Variants in HGF observed in about 807,000 individuals in gnomAD.
The protein encoded by HGF is hepatocyte growth factor, also known as fibroblast-derived tumor cytotoxic factor.
A neutral mutation model predicts 111.6 loss-of-function variants in HGF; 39 were observed. The observed-to-expected ratio is 0.35, with a 90% confidence interval of 0.27 to 0.46. The LOEUF (loss-of-function observed/expected upper bound fraction) is 0.46. HGF is among the 20% of genes least tolerant of loss of function. The pLI is 1.00. For missense variants in HGF, 735 were observed against 910.5 expected, an observed-to-expected ratio of 0.81 and a Z score of 2.48; for synonymous variants, 285 against 294.8, an observed-to-expected ratio of 0.97 and a Z score of 0.34.
chr7:81,749,878 T>C (rs1788420942), intron 5 of HGF, among the ~76,000 whole-genome samples: 1 of 152,070 alleles, frequency 6.6e-6, no homozygotes, highest in Non-Finnish European at 1.5e-5. Flanking sequence ...TCAAAAAATA[T>C]ATACTGTTCT....
chr7:81,762,826 T>C lies in HGF; in HGVS notation c.135A>G (p.Ser45=). Residue 45 remains serine (S), a synonymous_variant, in exon 2 of 18, where the codon TCA becomes TCG. Coordinates refer to ENST00000222390, the MANE Select transcript of HGF (RefSeq NM_000601.6). ...CTATTTTGATTAGGGTAGTCTTTGC[T>C]GATTTTTTGAATTCATGAATTGTAT... is the stretch of plus-strand genomic sequence containing the variant. ...RRNTIHEFKK[S]AKTTLIKIDP... 1 of 1,595,856 alleles carries C rather than the reference T, an allele frequency of 6.3e-7. No homozygotes were observed. The highest frequency in any genetic ancestry group is 8.6e-7 in the Non-Finnish European group (1 of 1,163,576).
chr7:81,751,004 A>G (rs1185568123), intron 5 of HGF: 1 of 979,738 alleles, frequency 1.0e-6, no homozygotes, highest in African/African-American at 1.8e-5. Flanking sequence ...ACAAACAGAG[A>G]TGGAACTGGC....
At chr7:81,742,972 G>T (rs758737619) in intron 7 of HGF, 1 of 1,610,122 alleles carries the variant, frequency 6.2e-7, no homozygotes, top group Non-Finnish European at 8.5e-7. Context: ...GGTAGGTAAA[G>T]GATACAGGAT....
Position 81,756,927 on chromosome 7 carries a change from G to T in HGF, c.482+262C>A, listed in dbSNP as rs1284719243. ...AGGAAGAAGAATCCTTTTAAACGAAGTTTACGTTATTATTTCACAAATACC... is the reference window on the plus strand; with the variant it reads ...AGGAAGAAGAATCCTTTTAAACGAATTTTACGTTATTATTTCACAAATACC... On this transcript the variant is annotated intron_variant, in intron 4 of 17. Transcript: ENST00000222390. 5.6e-6 allele frequency: 3 copies of T among 536,726 alleles called. No homozygotes were observed. The African/African-American group carries it at 5.7e-5, about 10-fold the overall frequency. 33.2% of individuals were successfully genotyped at this position (536,726 alleles called of 1,614,324 possible).
At chr7:81,768,143 C>G (rs1013921503) in intron 1 of HGF, among the ~76,000 whole-genome samples, 19 of 152,156 alleles carry the variant, frequency 1.2e-4, no homozygotes, top group Non-Finnish European at 7.3e-5. Flanking sequence ...AAATGTATGT[C>G]TCCTGCCAAA....
At chr7:81,703,082 C>T (rs567141500) in intron 17 of HGF, among the ~76,000 whole-genome samples, 140 of 151,518 alleles carry the variant, frequency 9.2e-4, no homozygotes, top group Non-Finnish European at 1.7e-3. Flanking sequence ...ACCATCGGTG[C>T]CTATTTAATA....
chr7:81,763,957 C>T (rs1789227467), intron 1 of HGF, among the ~76,000 whole-genome samples: 1 of 152,132 alleles, frequency 6.6e-6, no homozygotes, highest in Admixed American at 6.5e-5. Context: ...AACCACTGAC[C>T]ATGCCATCTG....
chr7:81,726,644 A>C (rs1040623122), intron 8 of HGF, among the ~76,000 whole-genome samples: 10 of 152,120 alleles, frequency 6.6e-5, no homozygotes, highest in African/African-American at 2.2e-4. Flanking sequence ...CTGTAAAATT[A>C]AGGCCCAGTT....
intron 7 of HGF, among the ~76,000 whole-genome samples, chr7:81,730,538 A>T (rs563225079): frequency 6.6e-6 from 1 of 152,298 alleles, no homozygotes; most frequent in South Asian, 2.1e-4. Context: ...ATAAAGAAAA[A>T]ATCAGTTATT....
chr7:81,738,365 T>C (rs1238273547), intron 7 of HGF, among the ~76,000 whole-genome samples: 2 of 152,162 alleles, frequency 1.3e-5, no homozygotes, highest in Non-Finnish European at 2.9e-5. Context: ...AGTACTTCAT[T>C]CAAGCACTAT....
At position 81,725,950 on chromosome 7, in the gene HGF, G is replaced by C; in HGVS notation, c.1108C>G (p.Pro370Ala). Residue 370 changes from proline (P) to alanine (A), a missense_variant, in exon 9 of 18, where the codon CCA becomes GCA. Around this residue, in one of 3 missense-constraint regions of HGF, gnomAD observed 553 missense variants for 685.6 expected, o/e 0.81. Transcript: ENST00000222390. Reference protein sequence around the residue: ...SESPWCFTTDPNIRVGYCSQI... With the variant: ...SESPWCFTTDANIRVGYCSQI... ...GAGCAGTAGCCAACTCGGATGTTTG[G>C]ATCAGTGGTAAAACACCAGGGTGAT... 6.2e-7 allele frequency: 1 copy of C among 1,613,894 alleles called. No individual in the cohort carries two copies. Among genetic ancestry groups the C allele is most frequent in the South Asian group, 1.1e-5 (1 of 91,070 alleles).
intron 9 of HGF, 48 bp from the exon 10 acceptor site, chr7:81,720,895 TA>T (rs761460443): frequency 4.1e-6 from 4 of 976,944 alleles, no homozygotes; most frequent in South Asian, 1.3e-5. Flanking sequence ...TCAAGGCAGA[TA>T]AAACAAAAAG....
intron 10 of HGF, among the ~76,000 whole-genome samples, chr7:81,720,440 ATC>A (rs1167361398): frequency 6.6e-6 from 1 of 152,204 alleles, no homozygotes; most frequent in Non-Finnish European, 1.5e-5. Flanking sequence ...ATGTGACCGT[ATC>A]CTCCTTGGAG....
intron 9 of HGF, among the ~76,000 whole-genome samples, chr7:81,724,631 TTG>T (rs1789957903): frequency 6.6e-6 from 1 of 152,210 alleles, no homozygotes; most frequent in Admixed American, 6.5e-5. Flanking sequence ...TATATGTAAA[TTG>T]TGTGTCACCG....
chr7:81,760,680 C>CGT (rs55865050), intron 2 of HGF, among the ~76,000 whole-genome samples: 3,828 of 139,516 alleles, frequency 0.027, 123 homozygotes, highest in African/African-American at 0.08. Context: ...TATGTGCGTG[C>CGT]GTGTGTGTGT....
In HGF at chr7:81,710,175, T is replaced by C. The variant is rs772388735; in HGVS notation, c.1513A>G (p.Ile505Val). The C allele has an allele frequency of 1.9e-6, 3 of 1,612,340 alleles. No homozygotes were observed. In the Admixed American group the frequency reaches 5.0e-5, roughly 27 times the overall value. The change falls in exon 13 of 18, where the codon ATA becomes GTA. Residue 505 changes from isoleucine (I) to valine (V), a missense_variant. By Grantham distance (29) the Ile-to-Val change is conservative (BLOSUM62 3). Around this residue, in one of 3 missense-constraint regions of HGF, gnomAD observed 553 missense variants for 685.6 expected, o/e 0.81. Coordinates refer to ENST00000222390, the MANE Select transcript of HGF (RefSeq NM_000601.6). ...TATCTCAAACTAACCATCCATCCTA[T>C]GTTTGTTCGTGTTGGAATCCCATTT... The part of the protein sequence containing the change: ...VVNGIPTRTN[I>V]GWMVSLRYRN...
rs1052156925 is a variant in HGF at position 81,751,608 on chromosome 7, C to T, written c.625+512G>A. ...TACGTGTCACATTTGATTCTAGGCACATTTTCACCAAAATGTGCATGGGGT... is the reference window on the plus strand; with the variant it reads ...TACGTGTCACATTTGATTCTAGGCATATTTTCACCAAAATGTGCATGGGGT... On this transcript the variant is annotated intron_variant, in intron 5 of 17. Coordinates refer to ENST00000222390, the MANE Select transcript of HGF (RefSeq NM_000601.6). 2.0e-5 allele frequency: 20 copies of T among 994,524 alleles called. No homozygotes were observed. The African/African-American group carries it at 2.8e-4, about 14-fold the overall frequency. The allele number at this position is 994,524 out of a possible 1,614,324, so 61.6% of individuals were successfully genotyped here. A position where few individuals can be genotyped will look rare whatever the true frequency, so the allele number is the denominator to read the frequency against.
intron 8 of HGF, among the ~76,000 whole-genome samples, chr7:81,728,348 C>A (rs968932908): frequency 6.6e-6 from 1 of 152,120 alleles, no homozygotes; most frequent in Non-Finnish European, 1.5e-5. Flanking sequence ...TGTTTATATC[C>A]ATTCTGTTTT....
At chr7:81,746,612 T>C (rs1275918344) in intron 5 of HGF, among the ~76,000 whole-genome samples, 3 of 152,294 alleles carry the variant, frequency 2.0e-5, no homozygotes, top group Admixed American at 1.3e-4. Context: ...AGTATTCATA[T>C]GTACAATTTC....
Sources: gnomAD v4.1 joint callset for allele counts (sites outside exome capture counted in the v4.1 genomes callset) on GRCh38, gnomAD v4.1.1 for gene constraint, gnomAD v4.1.1 regional missense constraint, MANE v1.5 for transcripts, NCBI Gene and HGNC (gene_info 2026-07-23, HGNC 2026-07-21) for gene names.